PCDH11Y: variants seen among roughly 807,000 people sequenced by gnomAD.
PCDH11Y encodes the protein protocadherin 11 Y-linked.
For synonymous variants in PCDH11Y, 9 were observed against 83.6 expected (o/e 0.11, Z 4.87); for missense variants, 12 against 224.8 (o/e 0.05, Z 6.05).
At chrY:5,452,244 C>T (rs2053293816) in intron 2 of PCDH11Y, among the ~76,000 whole-genome samples, 2 of 33,563 alleles carry the variant, frequency 6.0e-5, no homozygotes, top group East Asian at 8.0e-4. Flanking sequence ...TTTTCTAAGA[C>T]CTGTTCTCAT....
At chrY:5,126,301 G>A in intron 2 of PCDH11Y, among the ~76,000 whole-genome samples, 12 of 33,169 alleles carry the variant, frequency 3.6e-4, no homozygotes, top group Admixed American at 1.1e-3. Context: ...TGGTTTTTGC[G>A]ATTAAAAGTA....
intron 2 of PCDH11Y, among the ~76,000 whole-genome samples, chrY:5,274,565 G>A (rs2053041808): frequency 3.0e-5 from 1 of 33,761 alleles, no homozygotes; most frequent in South Asian, 6.5e-4. Context: ...GGCTGGTCTC[G>A]AACTCCTGAC....
At chrY:5,729,176 G>A in intron 4 of PCDH11Y, among the ~76,000 whole-genome samples, 2 of 33,250 alleles carry the variant, frequency 6.0e-5, no homozygotes, top group Non-Finnish European at 1.5e-4. Context: ...ATTCTGTTTT[G>A]TGTTCTTTGA....
intron 4 of PCDH11Y, among the ~76,000 whole-genome samples, chrY:5,633,509 G>A: frequency 1.0e-4 from 3 of 29,321 alleles, no homozygotes; most frequent in South Asian, 8.5e-4. Context: ...ATAAGGAGGC[G>A]GAATAAGATC....
downstream of PCDH11Y, chrY:5,105,087 A>C: frequency 2.7e-5 from 3 of 112,412 alleles, no homozygotes; most frequent in African/African-American, 3.3e-4. Flanking sequence ...CTAAAAATAC[A>C]AAAAATTAGC....
At chrY:5,162,917 G>T (rs2052875791) in intron 2 of PCDH11Y, among the ~76,000 whole-genome samples, 1 of 32,345 alleles carries the variant, frequency 3.1e-5, no homozygotes, top group Non-Finnish European at 7.6e-5. Context: ...TGTGAGACAG[G>T]CAGAAAAAAA....
chrY:5,258,145 G>C (rs1602894804), intron 2 of PCDH11Y, among the ~76,000 whole-genome samples: 2 of 30,556 alleles, frequency 6.5e-5, no homozygotes, highest in East Asian at 1.7e-3. Context: ...TGTGGTTTCA[G>C]TCATAATGTC....
chrY:5,386,285 G>C, intron 2 of PCDH11Y, among the ~76,000 whole-genome samples: 1 of 33,017 alleles, frequency 3.0e-5, no homozygotes, highest in African/African-American at 1.2e-4. Context: ...CAGCTCTTAA[G>C]ATTCTTTCCT....
At chrY:5,147,614 T>C (rs2052858832) in intron 2 of PCDH11Y, among the ~76,000 whole-genome samples, 1 of 32,853 alleles carries the variant, frequency 3.0e-5, no homozygotes, top group Non-Finnish European at 7.5e-5. Context: ...CCTTAATCCC[T>C]GGGACCTGTG....
chrY:5,410,822 G>A (rs2573971), intron 2 of PCDH11Y, among the ~76,000 whole-genome samples: 2 of 32,808 alleles, frequency 6.1e-5, no homozygotes, highest in South Asian at 7.0e-4. Flanking sequence ...TGCTTAGGAC[G>A]ATGGCGTCCA....
intron 2 of PCDH11Y, among the ~76,000 whole-genome samples, chrY:5,470,093 C>T (rs113539664): frequency 4.4e-5 from 1 of 22,669 alleles, no homozygotes; most frequent in African/African-American, 1.7e-4. Flanking sequence ...AGCCTAGAAA[C>T]TTGATTATTA....
At chrY:5,078,001 C>A in intron 1 of PCDH11Y, among the ~76,000 whole-genome samples, 1 of 31,894 alleles carries the variant, frequency 3.1e-5, no homozygotes, top group Non-Finnish European at 7.6e-5. Flanking sequence ...ACACAGCATG[C>A]ATTAGCTAGT....
rs1602852949 is a variant in PCDH11Y, at chrY:5,057,736, C to T, written c.636+277C>T. On this transcript the variant is annotated intron_variant, in intron 1 of 1. Coordinates refer to ENST00000215473, the Ensembl canonical transcript of PCDH11Y. ...GAGGTTAGCCCTGCTACTTACAAAT[C>T]AGTAGTTTGCCCAGCTTCATTCTTT... Among the ~76,000 whole-genome samples, 19 of 32,948 alleles carry T rather than the reference C, an allele frequency of 5.8e-4. No homozygotes were observed. The South Asian group carries it at 0.013, about 23-fold the overall frequency. The allele number at this position is 32,948 out of a possible 37,273, so 88.4% of individuals were successfully genotyped here. A position where few individuals can be genotyped will look rare whatever the true frequency, so the allele number is the denominator to read the frequency against.
At chrY:5,219,023 T>A in intron 2 of PCDH11Y, among the ~76,000 whole-genome samples, 1 of 34,637 alleles carries the variant, frequency 2.9e-5, no homozygotes, top group African/African-American at 1.1e-4. Context: ...TGTTCATCAA[T>A]GTTGTCACAA....
chrY:5,115,133 A>AT (rs773841540), intron 2 of PCDH11Y, among the ~76,000 whole-genome samples: 424 of 11,953 alleles, frequency 0.035, no homozygotes, highest in South Asian at 0.13. Context: ...AGAGAACCGC[A>AT]TTTTTTTTTT....
At chrY:5,647,118 G>C in intron 4 of PCDH11Y, among the ~76,000 whole-genome samples, 1 of 33,331 alleles carries the variant, frequency 3.0e-5, no homozygotes, top group African/African-American at 1.2e-4. Context: ...GGATATTATA[G>C]ATTTATAATG....
intron 2 of PCDH11Y, among the ~76,000 whole-genome samples, chrY:5,473,312 C>G (rs1204661530): frequency 1.0e-4 from 3 of 29,242 alleles, no homozygotes. Flanking sequence ...AAGTGAAACT[C>G]TTTACCCATG....
chrY:5,662,987 GA>G (rs2053542172), intron 4 of PCDH11Y, among the ~76,000 whole-genome samples: 3 of 25,065 alleles, frequency 1.2e-4, no homozygotes, highest in Non-Finnish European at 2.8e-4. Context: ...AGACTCTGCC[GA>G]AAAAAAAAAA....
chrY:5,266,185 T>G, intron 2 of PCDH11Y, among the ~76,000 whole-genome samples: 1 of 33,830 alleles, frequency 3.0e-5, no homozygotes, highest in South Asian at 6.4e-4. Context: ...ATACACCATG[T>G]ATATGTTTAG....
Sources: allele counts gnomAD v4.1 joint callset (sites outside exome capture counted in the v4.1 genomes callset), GRCh38; gene constraint gnomAD v4.1.1; transcripts MANE v1.5; gene names NCBI Gene and HGNC (gene_info 2026-07-23, HGNC 2026-07-21).